ZNF888: variants seen among roughly 807,000 people sequenced by gnomAD.
ZNF888 encodes the protein zinc finger protein 888.
Under a neutral mutation model 7.2 loss-of-function variants are expected in ZNF888, and 5 were observed. The ratio of observed to expected loss-of-function variants is 0.70; its 90% CI spans 0.36 to 1.46. The LOEUF (loss-of-function observed/expected upper bound fraction) is 1.46, where lower values mean the gene tolerates loss of function less well. ZNF888 is among the 40% of genes most tolerant of loss of function. ZNF888 has a pLI of 0.03. For missense variants in ZNF888, 716 were observed against 858.0 expected (o/e 0.83, Z 2.07); for synonymous variants, 240 against 284.3 (o/e 0.84, Z 1.57).
At position 52,919,439 on chromosome 19, in the gene ZNF888, C is replaced by T. The variant is rs1218317049; in HGVS notation, c.-177-502G>A. Among the ~76,000 whole-genome samples the T allele has an allele frequency of 3.4e-4, 24 of 69,822 alleles. 9 individuals carry two copies. The highest frequency in any genetic ancestry group is 1.8e-3 in the South Asian group (4 of 2,224). 45.8% of individuals were successfully genotyped at this position (69,822 alleles called of 152,430 possible). A position where few individuals can be genotyped will look rare whatever the true frequency, so the allele number is the denominator to read the frequency against. Reference sequence around the variant, plus strand: ...CCTCCCGAGGTGCCGGGATTGCAGACGGAGTCTCGTTCACTCAGTGCTCAA... The same window carrying T: ...CCTCCCGAGGTGCCGGGATTGCAGATGGAGTCTCGTTCACTCAGTGCTCAA... On this transcript the variant is annotated intron_variant, in intron 1 of 4. Transcript: ENST00000638862.
chr19:52,922,314 C>A (rs916389625), intron 1 of ZNF888, among the ~76,000 whole-genome samples: 10 of 151,964 alleles, frequency 6.6e-5, no homozygotes, highest in African/African-American at 2.4e-4. Context: ...GTTATACCCC[C>A]CTGGCCCCAC....
In ZNF888 at chr19:52,907,623, C is replaced by T; in HGVS notation, c.699G>A (p.Gln233=). 1 of 1,601,704 alleles carries T rather than the reference C, an allele frequency of 6.2e-7. No homozygotes were observed. Among genetic ancestry groups the T allele is most frequent in the Non-Finnish European group, 8.5e-7 (1 of 1,175,798 alleles). ...ATTGTTTCTCTCCTAGATGAATTAT[C>T]TGATGTTTTTTAAAGAGTGAGCTAC... ...FNCSSLFKKH[Q]IIHLGEKQYK... Residue 233 remains glutamine (Q), a synonymous_variant, in exon 5 of 5, where the codon CAG becomes CAA. Transcript: ENST00000638862.
chr19:52,905,444 T>TAAAAA lies in ZNF888; in HGVS notation c.*716_*720dup, dbSNP rs35926269. 66 of 151,426 alleles carry TAAAAA rather than the reference T, an allele frequency of 4.4e-4. No individual in the cohort carries two copies. Among genetic ancestry groups the TAAAAA allele is most frequent in the Middle Eastern group, 3.4e-3 (1 of 294 alleles). The allele number at this position is 151,426 out of a possible 1,614,324, so 9.4% of individuals were successfully genotyped here. On this transcript the variant is annotated 3_prime_UTR_variant, in exon 5 of 5. Coordinates refer to ENST00000638862, the MANE Select transcript of ZNF888 (RefSeq NM_001393938.1). The stretch of plus-strand genomic sequence containing the variant: ...CTCAGCTTGCCTGCACCCAGGTGAT[T>TAAAAA]AAAAAAAAAAAAAATCTGTATCTGT...
Position 52,918,129 on chromosome 19 carries a change from C to G in ZNF888, c.-58-198G>C, listed in dbSNP as rs113543192. On this transcript the variant is annotated intron_variant, in intron 2 of 4. Coordinates refer to ENST00000638862, the MANE Select transcript of ZNF888 (RefSeq NM_001393938.1). ...CCCCTTCTGGAGAAGCCCACACACA[C>G]GCTGCAGCAGTAGGGATCTGGGCTG... The G allele has an allele frequency of 1.3e-3, 1,825 of 1,383,012 alleles. 18 individuals carry two copies. In the African/African-American group the frequency reaches 0.024, roughly 18 times the overall value. 85.7% of individuals were successfully genotyped at this position (1,383,012 alleles called of 1,614,324 possible).
intron 3 of ZNF888, among the ~76,000 whole-genome samples, chr19:52,917,023 A>G (rs973593413): frequency 6.6e-6 from 1 of 152,238 alleles, no homozygotes; most frequent in African/African-American, 2.4e-5. Flanking sequence ...AATCATTTTT[A>G]CCAAAAGCCT....
At chr19:52,917,162 G>T (rs922825948) in intron 3 of ZNF888, 2 of 154,072 alleles carry the variant, frequency 1.3e-5, no homozygotes, top group African/African-American at 4.8e-5. Flanking sequence ...AATCATTCAT[G>T]TATCATTCAT....
chr19:52,920,032 C>G lies in ZNF888; in HGVS notation c.-177-1095G>C, dbSNP rs1332346927. Among the ~76,000 whole-genome samples the G allele has an allele frequency of 9.8e-4, 51 of 51,906 alleles. 4 individuals are homozygous for G. Among genetic ancestry groups the G allele is most frequent in the African/African-American group, 3.7e-3 (50 of 13,384 alleles). The allele number at this position is 51,906 out of a possible 152,430, so 34.1% of individuals were successfully genotyped here. On this transcript the variant is annotated intron_variant, in intron 1 of 4. Transcript: ENST00000638862. ...CCCCTACTGGGAAGTGAGGACCCCT[C>G]TGCCCGGCCAGCCGCCCCGTCCGGG...
Position 52,906,150 on chromosome 19 carries a change from G to A in ZNF888, c.*15C>T. 1 of 1,612,722 alleles carries A rather than the reference G, an allele frequency of 6.2e-7. No homozygotes were observed. The highest frequency in any genetic ancestry group is 1.1e-5 in the South Asian group (1 of 91,020). ...TGGTTGTAGCGTTACTGAAGACTTGGTGACAATCATTACATTAGTCAAGTT... is the reference window on the plus strand; with the variant it reads ...TGGTTGTAGCGTTACTGAAGACTTGATGACAATCATTACATTAGTCAAGTT... On this transcript the variant is annotated 3_prime_UTR_variant, in exon 5 of 5. Coordinates refer to ENST00000638862, the MANE Select transcript of ZNF888 (RefSeq NM_001393938.1).
In ZNF888 at chr19:52,906,745, T is replaced by A; in HGVS notation, c.1577A>T (p.Glu526Val). Reference sequence around the variant, plus strand: ...ATTTTGAACGAAGGTCTTGCCACACTCATTACACTTGTAAGGTTTCTCTCC... The same window carrying A: ...ATTTTGAACGAAGGTCTTGCCACACACATTACACTTGTAAGGTTTCTCTCC... The part of the protein sequence containing the change: ...HTGEKPYKCN[E>V]CGKTFVQNSS... The change falls in exon 5 of 5, where the codon GAG becomes GTG. Residue 526 changes from glutamate to valine, a missense_variant. Physicochemically the swap from Glu to Val is moderately radical, Grantham distance 121 (BLOSUM62 -2). Around this residue, in one of 2 missense-constraint regions of ZNF888, gnomAD observed 697 missense variants for 803.4 expected, o/e 0.87. Transcript: ENST00000638862. The A allele has an allele frequency of 1.9e-6, 3 of 1,613,336 alleles. No individual in the cohort carries two copies. Among genetic ancestry groups the A allele is most frequent in the Non-Finnish European group, 2.5e-6 (3 of 1,179,384 alleles).
intron 3 of ZNF888, among the ~76,000 whole-genome samples, chr19:52,915,589 C>T (rs1381878045): frequency 6.6e-6 from 1 of 152,106 alleles, no homozygotes; most frequent in Non-Finnish European, 1.5e-5. Context: ...ATTCTCCTCC[C>T]TCAGCCTCCC....
chr19:52,916,009 A>G (rs1221050480), intron 3 of ZNF888, among the ~76,000 whole-genome samples: 1 of 152,290 alleles, frequency 6.6e-6, no homozygotes. Flanking sequence ...AGCCAGGTGC[A>G]GTGACACATG....
intron 1 of ZNF888, among the ~76,000 whole-genome samples, chr19:52,920,938 TAAAAAAAAAAAAAA>T (rs145361548): frequency 3.1e-4 from 2 of 6,532 alleles, no homozygotes; most frequent in South Asian, 0.013. Flanking sequence ...CTTCAAATAT[TAAAAAAAAAAAAAA>T]AAAAAAAAAA....
Position 52,906,018 on chromosome 19 carries a change from A to G in ZNF888, c.*147T>C. The G allele has an allele frequency of 8.3e-7, 1 of 1,205,962 alleles. No individual in the cohort carries two copies. The highest frequency in any genetic ancestry group is 1.2e-5 in the South Asian group (1 of 81,374). The allele number at this position is 1,205,962 out of a possible 1,614,324, so 74.7% of individuals were successfully genotyped here. A position where few individuals can be genotyped will look rare whatever the true frequency, so the allele number is the denominator to read the frequency against. On this transcript the variant is annotated 3_prime_UTR_variant, in exon 5 of 5. Transcript: ENST00000638862. ...GACATTTGTAAGGTTTCTCTCCAGT[A>G]TGAGTTCACCCATGAACTACAGCGT...
intron 3 of ZNF888, among the ~76,000 whole-genome samples, chr19:52,915,818 C>A (rs1057248453): frequency 1.2e-3 from 31 of 26,256 alleles, no homozygotes; most frequent in African/African-American, 6.1e-3. Context: ...GTCAAGACAC[C>A]CTGTCAGTAT....
intron 2 of ZNF888, chr19:52,918,278 T>C (rs760708231): frequency 3.3e-6 from 3 of 902,928 alleles, no homozygotes; most frequent in Non-Finnish European, 4.0e-6. Flanking sequence ...TTGCTTGAGC[T>C]CAGAAGTTTG....
In ZNF888 at chr19:52,920,590, T is replaced by C. The variant is rs576129491; in HGVS notation, c.-177-1653A>G. 3.4e-5 allele frequency among the ~76,000 whole-genome samples: 2 copies of C among 59,334 alleles called. 1 individual carries two copies. The highest frequency in any genetic ancestry group is 1.1e-3 in the South Asian group (2 of 1,766). 38.9% of individuals were successfully genotyped at this position (59,334 alleles called of 152,430 possible). Reference sequence around the variant, plus strand: ...TTACTGTCTCTCTAAGGGCAGCCATTGTAAGACCTCAAAGAAACTTTAGCC... The same window carrying C: ...TTACTGTCTCTCTAAGGGCAGCCATCGTAAGACCTCAAAGAAACTTTAGCC... On this transcript the variant is annotated intron_variant, in intron 1 of 4. Coordinates refer to ENST00000638862, the MANE Select transcript of ZNF888 (RefSeq NM_001393938.1).
At chr19:52,912,153 A>G (rs7250296) in intron 4 of ZNF888, among the ~76,000 whole-genome samples, 142 of 141,932 alleles carry the variant, frequency 1.0e-3, no homozygotes, top group South Asian at 3.3e-3. Flanking sequence ...TTGCTCTGTC[A>G]CCCAGGCTGG....
At chr19:52,910,364 T>C (rs1370868504) in intron 4 of ZNF888, among the ~76,000 whole-genome samples, 1 of 151,936 alleles carries the variant, frequency 6.6e-6, no homozygotes, top group Non-Finnish European at 1.5e-5. Context: ...TCCCAGCTAC[T>C]TGGGAGGCTG....
Position 52,907,645 on chromosome 19 carries a change from C to T in ZNF888, c.677G>A (p.Ser226Asn), listed in dbSNP as rs933324632. ...TATCTGATGTTTTTTAAAGAGTGAG[C>T]TACAATTAAAGGATTTGCCACTCTC... Reference protein sequence around the residue: ...FNESGKSFNCSSLFKKHQIIH... With the variant: ...FNESGKSFNCNSLFKKHQIIH... Residue 226 changes from serine to asparagine, a missense_variant, in exon 5 of 5, where the codon AGC becomes AAC. By Grantham distance (46) the Ser-to-Asn change is conservative. Coordinates refer to ENST00000638862, the MANE Select transcript of ZNF888 (RefSeq NM_001393938.1). The T allele has an allele frequency of 1.9e-6, 3 of 1,604,976 alleles. No individual in the cohort carries two copies. In the Admixed American group the frequency reaches 5.1e-5, roughly 27 times the overall value.
Sources: allele counts gnomAD v4.1 joint callset (sites outside exome capture counted in the v4.1 genomes callset), GRCh38; gene constraint gnomAD v4.1.1; regional missense constraint gnomAD v4.1.1; transcripts MANE v1.5; gene names NCBI Gene and HGNC (gene_info 2026-07-23, HGNC 2026-07-21).